TPCN1: variants seen among roughly 807,000 people sequenced by gnomAD.
TPCN1 encodes two pore channel protein 1.
TPCN1 carries 52 observed loss-of-function variants against 108.8 expected under a neutral mutation model. The ratio of observed to expected loss-of-function variants is 0.48; its 90% CI spans 0.38 to 0.60. TPCN1 has a LOEUF of 0.60. TPCN1 is among the 20% of genes least tolerant of loss of function. The pLI is 0.00. For synonymous variants in TPCN1, 446 were observed against 433.7 expected (o/e 1.03, Z -0.35); for missense variants, 806 against 1,072.8 (o/e 0.75, Z 3.47).
intron 2 of TPCN1, among the ~76,000 whole-genome samples, chr12:113,240,747 C>CTTTTTT (rs112630841): frequency 7.5e-6 from 1 of 133,796 alleles, no homozygotes; most frequent in Non-Finnish European, 1.6e-5. Flanking sequence ...CCTGCCCATT[C>CTTTTTT]TTTTTTTTTT....
In TPCN1 at chr12:113,231,074, A is replaced by G. The variant is rs560293593; in HGVS notation, c.112+4110A>G. On this transcript the variant is annotated intron_variant, in intron 2 of 27. Transcript: ENST00000335509. The surrounding 1 kb of genome is among the most constrained non-coding windows in gnomAD (Gnocchi z 4.3). ...GGCCATCCGCGGAGTTGGCAACGAC[A>G]TGAGCATGGGCTACTGGGAACGAAG... Among the ~76,000 whole-genome samples, 1 of 152,364 alleles carries G rather than the reference A, an allele frequency of 6.6e-6. No homozygotes were observed. Among genetic ancestry groups the G allele is most frequent in the East Asian group, 1.9e-4 (1 of 5,194 alleles).
At chr12:113,262,979 C>T (rs909311554) in intron 3 of TPCN1, among the ~76,000 whole-genome samples, 5 of 152,070 alleles carry the variant, frequency 3.3e-5, no homozygotes, top group Non-Finnish European at 5.9e-5. Flanking sequence ...TGAAAATGGG[C>T]CATGTACTTG....
chr12:113,233,027 G>A (rs775388763), intron 2 of TPCN1, among the ~76,000 whole-genome samples: 4 of 152,144 alleles, frequency 2.6e-5, no homozygotes, highest in Admixed American at 6.5e-5. Flanking sequence ...GCAGAGCGTC[G>A]GGTGTCACCA....
chr12:113,288,105 G>C lies in TPCN1; in HGVS notation c.1635-58G>C. 1 of 1,525,952 alleles carries C rather than the reference G, an allele frequency of 6.6e-7. No individual in the cohort carries two copies. The highest frequency in any genetic ancestry group is 9.0e-7 in the Non-Finnish European group (1 of 1,114,416). The allele number at this position is 1,525,952 out of a possible 1,614,324, so 94.5% of individuals were successfully genotyped here. A position where few individuals can be genotyped will look rare whatever the true frequency, so the allele number is the denominator to read the frequency against. On this transcript the variant is annotated intron_variant, in intron 19 of 27. Transcript: ENST00000335509. This position sits in a 1 kb window ranked among gnomAD's most constrained non-coding sequence, Gnocchi z 4.8. Reference sequence around the variant, plus strand: ...GGAAGGCGGGGCCGGCATGTTCTGAGGGCGGGGGCTGAGGCGTGCACCTGT... The same window carrying C: ...GGAAGGCGGGGCCGGCATGTTCTGACGGCGGGGGCTGAGGCGTGCACCTGT...
intron 1 of TPCN1, among the ~76,000 whole-genome samples, chr12:113,223,182 G>A (rs1287205346): frequency 6.6e-6 from 1 of 152,218 alleles, no homozygotes; most frequent in African/African-American, 2.4e-5. Context: ...GCTGGGCAGA[G>A]AGCTACGGGC....
intron 15 of TPCN1, among the ~76,000 whole-genome samples, chr12:113,281,652 C>T (rs982984713): frequency 1.3e-5 from 2 of 152,110 alleles, no homozygotes; most frequent in African/African-American, 4.8e-5. Flanking sequence ...CATCCTCCCA[C>T]CTCAGTCTTC....
At position 113,288,292 on chromosome 12, in the gene TPCN1, G is replaced by A; in HGVS notation, c.1706+58G>A. 1 of 1,610,376 alleles carries A rather than the reference G, an allele frequency of 6.2e-7. No individual in the cohort carries two copies. Among genetic ancestry groups the A allele is most frequent in the Non-Finnish European group, 8.5e-7 (1 of 1,178,880 alleles). On this transcript the variant is annotated intron_variant, in intron 20 of 27. Transcript: ENST00000335509. This position sits in a 1 kb window ranked among gnomAD's most constrained non-coding sequence, Gnocchi z 4.8. ...CAGGTGCCGTGTGGCAGTGCCCCGTGGGGGCGGGAGCCGAGTGGCAGTCGG... is the reference window on the plus strand; with the variant it reads ...CAGGTGCCGTGTGGCAGTGCCCCGTAGGGGCGGGAGCCGAGTGGCAGTCGG...
At chr12:113,255,766 G>A (rs1954810136) in intron 2 of TPCN1, among the ~76,000 whole-genome samples, 1 of 151,688 alleles carries the variant, frequency 6.6e-6, no homozygotes, top group Non-Finnish European at 1.5e-5. Context: ...CTAAGCTCAG[G>A]TGATCCACCT....
At chr12:113,294,610 G>A (rs1193571972) in intron 27 of TPCN1, among the ~76,000 whole-genome samples, 2 of 147,634 alleles carry the variant, frequency 1.4e-5, no homozygotes, top group African/African-American at 5.1e-5. Flanking sequence ...TTGGGTGACA[G>A]AGCTAGACTC....
In TPCN1 at chr12:113,284,585, G is replaced by T. The variant is rs763629208; in HGVS notation, c.1347G>T (p.Leu449Phe). 4.3e-6 allele frequency: 7 copies of T among 1,614,164 alleles called. No homozygotes were observed. In the Admixed American group the frequency reaches 1.0e-4, roughly 23 times the overall value. Residue 449 changes from leucine (L) to phenylalanine (F), a missense_variant, in exon 16 of 28, where the codon TTG becomes TTT. Physicochemically the swap from Leu to Phe is conservative, Grantham distance 22. Transcript: ENST00000335509. This position sits in a 1 kb window ranked among gnomAD's most constrained non-coding sequence, Gnocchi z 4.1. ...KSKAFQYFMY[L>F]VVAVNGVWIL... Reference sequence around the variant, plus strand: ...TTACGGGCCTGTGTATTTCAGACTTGGTGGTGGCAGTCAACGGGGTCTGGA... The same window carrying T: ...TTACGGGCCTGTGTATTTCAGACTTTGTGGTGGCAGTCAACGGGGTCTGGA...
chr12:113,283,784 C>T (rs1429948188), intron 15 of TPCN1, among the ~76,000 whole-genome samples: 2 of 152,118 alleles, frequency 1.3e-5, no homozygotes, highest in African/African-American at 4.8e-5. Context: ...AACGATCCTC[C>T]CACCTCAGCC....
chr12:113,241,761 C>CGTGTGT (rs67580212), intron 2 of TPCN1, among the ~76,000 whole-genome samples: 2,715 of 144,440 alleles, frequency 0.019, 34 homozygotes, highest in African/African-American at 0.038. Flanking sequence ...CGTGCCTCTG[C>CGTGTGT]GTGTGTGTGT....
At chr12:113,260,088 A>T (rs887552083) in intron 2 of TPCN1, among the ~76,000 whole-genome samples, 1 of 152,150 alleles carries the variant, frequency 6.6e-6, no homozygotes, top group Non-Finnish European at 1.5e-5. Flanking sequence ...AAGTCGATGT[A>T]TTTATGTTTT....
intron 27 of TPCN1, 114 bp from the exon 28 acceptor site, chr12:113,295,846 G>A: frequency 8.2e-7 from 1 of 1,222,350 alleles, no homozygotes; most frequent in Non-Finnish European, 1.1e-6. Context: ...AGCTGGGTGA[G>A]GCTGGCAGCC....
intron 10 of TPCN1, among the ~76,000 whole-genome samples, chr12:113,275,700 G>A (rs1248654289): frequency 6.6e-6 from 1 of 151,724 alleles, no homozygotes; most frequent in Non-Finnish European, 1.5e-5. Flanking sequence ...AGCCTCCCGA[G>A]TAGCTGGGAC....
intron 4 of TPCN1, 98 bp from the exon 5 acceptor site, chr12:113,267,745 A>G (rs1955323353): frequency 2.6e-6 from 2 of 765,334 alleles, no homozygotes; most frequent in Non-Finnish European, 4.7e-6. Context: ...TGTTGGGAGG[A>G]TGTCCTGGGG....
Position 113,277,329 on chromosome 12 carries a change from C to T in TPCN1, c.1149C>T (p.Phe383=). The T allele has an allele frequency of 6.2e-7, 1 of 1,614,208 alleles. No homozygotes were observed. The highest frequency in any genetic ancestry group is 8.5e-7 in the Non-Finnish European group (1 of 1,180,044). The change falls in exon 12 of 28, where the codon TTC becomes TTT. Residue 383 remains phenylalanine, a synonymous_variant. Transcript: ENST00000335509. The stretch of plus-strand genomic sequence containing the variant: ...GTGCCAGGGAGCGCTATCTTACCTT[C>T]AAGGCCCTGAATCAGAACAACACAC... ...RMSARERYLT[F]KALNQNNTPL... is the part of the protein sequence containing the mutation.
intron 19 of TPCN1, among the ~76,000 whole-genome samples, chr12:113,287,825 G>A (rs1200264810): frequency 6.6e-6 from 1 of 152,208 alleles, no homozygotes; most frequent in Non-Finnish European, 1.5e-5. Flanking sequence ...CGCTCCCCGG[G>A]GCACATGGGC....
At chr12:113,275,923 G>A (rs947370393) in intron 10 of TPCN1, among the ~76,000 whole-genome samples, 3 of 152,172 alleles carry the variant, frequency 2.0e-5, no homozygotes, top group Admixed American at 2.0e-4. Context: ...AATATGTTGA[G>A]TACTTCTTTG....
Sources: allele counts gnomAD v4.1 joint callset (sites outside exome capture counted in the v4.1 genomes callset), GRCh38; gene constraint gnomAD v4.1.1; non-coding constraint Gnocchi (gnomAD v3.1); transcripts MANE v1.5; gene names NCBI Gene and HGNC (gene_info 2026-07-23, HGNC 2026-07-21).